Variants in MIR2052HG observed in about 807,000 individuals in gnomAD.
MIR2052HG encodes the protein MIR2052 host gene.
intron 2 of MIR2052HG, among the ~76,000 whole-genome samples, chr8:74,616,187 C>T (rs1586890329): frequency 1.3e-5 from 2 of 152,074 alleles, no homozygotes; most frequent in Middle Eastern, 6.8e-3. Context: ...GGAATTGCCA[C>T]ACTGTCTTCC....
At chr8:74,671,713 G>A (rs138150002) in intron 2 of MIR2052HG, among the ~76,000 whole-genome samples, 2 of 152,138 alleles carry the variant, frequency 1.3e-5, no homozygotes, top group African/African-American at 2.4e-5. Context: ...TTGAGGTTTA[G>A]TTAATCATGG....
At chr8:74,688,609 T>C (rs148658761) in intron 2 of MIR2052HG, among the ~76,000 whole-genome samples, 2 of 152,356 alleles carry the variant, frequency 1.3e-5, no homozygotes, top group African/African-American at 4.8e-5. Context: ...CAAAGCTAAG[T>C]ACACGTTTGG....
At chr8:74,644,481 C>T (rs1399049944) in intron 2 of MIR2052HG, among the ~76,000 whole-genome samples, 1 of 152,226 alleles carries the variant, frequency 6.6e-6, no homozygotes, top group South Asian at 2.1e-4. Flanking sequence ...CTATGATGTT[C>T]GCACAATGAC....
At chr8:74,659,554 C>T (rs1808839860) in intron 2 of MIR2052HG, among the ~76,000 whole-genome samples, 1 of 152,064 alleles carries the variant, frequency 6.6e-6, no homozygotes, top group South Asian at 2.1e-4. Flanking sequence ...GATTCTCTCA[C>T]CTCAGCCTGC....
In MIR2052HG at chr8:74,651,420, G is replaced by A. The variant is rs575844240; in HGVS notation, n.216+38480G>A. Among the ~76,000 whole-genome samples, 19 of 152,206 alleles carry A rather than the reference G, an allele frequency of 1.2e-4. 1 individual carries two copies. The South Asian group carries it at 3.7e-3, about 30-fold the overall frequency. On this transcript the variant is annotated intron_variant and non_coding_transcript_variant, in intron 2 of 6. Coordinates refer to ENST00000523442, the Ensembl canonical transcript of MIR2052HG. ...GTGAGTAAAAGTAGCTATTATCACTGAGTATGAATATATGATTTTGGAGTG... is the reference window on the plus strand; with the variant it reads ...GTGAGTAAAAGTAGCTATTATCACTAAGTATGAATATATGATTTTGGAGTG...
chr8:74,696,975 A>G (rs1809304262), intron 2 of MIR2052HG, among the ~76,000 whole-genome samples: 2 of 151,928 alleles, frequency 1.3e-5, no homozygotes, highest in South Asian at 4.1e-4. Context: ...TTCTATAATA[A>G]TGATAAATCA....
intron 2 of MIR2052HG, among the ~76,000 whole-genome samples, chr8:74,643,863 A>G (rs963353483): frequency 4.6e-5 from 7 of 152,202 alleles, no homozygotes; most frequent in Non-Finnish European, 1.0e-4. Context: ...AACAAGAAAA[A>G]ATAACAGAAA....
chr8:74,729,497 A>G (rs923180302), intron 4 of MIR2052HG, among the ~76,000 whole-genome samples: 3 of 152,156 alleles, frequency 2.0e-5, no homozygotes, highest in African/African-American at 7.2e-5. Context: ...AATGATGTCT[A>G]TCTTAGAATC....
intron 2 of MIR2052HG, among the ~76,000 whole-genome samples, chr8:74,694,549 T>G (rs1222278222): frequency 6.6e-6 from 1 of 152,170 alleles, no homozygotes; most frequent in Non-Finnish European, 1.5e-5. Flanking sequence ...GAAGGTTGAT[T>G]ATTAAACTGC....
chr8:74,690,248 G>A (rs563682598), intron 2 of MIR2052HG, among the ~76,000 whole-genome samples: 1 of 152,230 alleles, frequency 6.6e-6, no homozygotes, highest in African/African-American at 2.4e-5. Context: ...AGAATGTAGA[G>A]GAAAAATTAC....
intron 2 of MIR2052HG, among the ~76,000 whole-genome samples, chr8:74,652,215 A>G (rs1193001196): frequency 1.3e-5 from 2 of 152,184 alleles, no homozygotes; most frequent in African/African-American, 4.8e-5. Context: ...AAAGTATTTG[A>G]TAGTCCTGCC....
chr8:74,723,538 T>C (rs74562114), intron 4 of MIR2052HG, among the ~76,000 whole-genome samples: 1 of 152,072 alleles, frequency 6.6e-6, no homozygotes. Context: ...TTTTTTTTTT[T>C]CCATGAGGAA....
chr8:74,642,892 C>CT, intron 2 of MIR2052HG, among the ~76,000 whole-genome samples: 1 of 152,148 alleles, frequency 6.6e-6, no homozygotes, highest in Non-Finnish European at 1.5e-5. Context: ...TCTAATTGTG[C>CT]TTTTCATTTC....
chr8:74,606,536 G>A (rs1808114588), intron 1 of MIR2052HG, among the ~76,000 whole-genome samples: 1 of 152,202 alleles, frequency 6.6e-6, no homozygotes, highest in Admixed American at 6.5e-5. Context: ...AAGTTCTGAT[G>A]TAATGTGAAA....
intron 1 of MIR2052HG, chr8:74,603,192 T>G: frequency 1.1e-6 from 1 of 949,020 alleles, no homozygotes; most frequent in Non-Finnish European, 1.7e-6. Flanking sequence ...TACAAACTAT[T>G]TAAAACCTGA....
chr8:74,628,440 T>C (rs767647920), intron 2 of MIR2052HG, among the ~76,000 whole-genome samples: 4 of 152,198 alleles, frequency 2.6e-5, no homozygotes, highest in Non-Finnish European at 5.9e-5. Context: ...ATGAAAAATA[T>C]TTTGTCAGAA....
At chr8:74,714,190 C>T (rs916642252) in intron 4 of MIR2052HG, among the ~76,000 whole-genome samples, 2 of 152,278 alleles carry the variant, frequency 1.3e-5, no homozygotes, top group South Asian at 4.1e-4. Context: ...GCTTCCTTGG[C>T]AGAGAGCACC....
chr8:74,643,413 TA>T (rs1193051118), intron 2 of MIR2052HG, among the ~76,000 whole-genome samples: 1 of 152,036 alleles, frequency 6.6e-6, no homozygotes, highest in African/African-American at 2.4e-5. Flanking sequence ...GGAGGCAGAG[TA>T]AAAAAAGGAT....
At chr8:74,714,225 T>C (rs1472196526) in intron 4 of MIR2052HG, among the ~76,000 whole-genome samples, 1 of 152,182 alleles carries the variant, frequency 6.6e-6, no homozygotes, top group Non-Finnish European at 1.5e-5. Context: ...ATTGTTCCTT[T>C]CCTGTTTTCC....
Sources: allele counts gnomAD v4.1 joint callset (sites outside exome capture counted in the v4.1 genomes callset), GRCh38; gene constraint gnomAD v4.1.1; transcripts MANE v1.5; gene names NCBI Gene and HGNC (gene_info 2026-07-23, HGNC 2026-07-21).